The following ASPSCR1 variants were observed in gnomAD, a reference collection of about 807,000 sequenced individuals.
The protein encoded by ASPSCR1 is ASPSCR1 tether for SLC2A4, UBX domain containing.
In ASPSCR1, 55 loss-of-function variants were observed where a neutral mutation model predicts 68.9. The ratio of observed to expected loss-of-function variants is 0.80; its 90% CI spans 0.64 to 1.00. The LOEUF is 1.00. ASPSCR1 is among the 50% of genes least tolerant of loss of function. The pLI, the probability that ASPSCR1 is intolerant of heterozygous loss-of-function variation, is 0.00. For synonymous variants in ASPSCR1, 352 were observed against 332.6 expected (o/e 1.06, Z -0.63); for missense variants, 765 against 762.2 (o/e 1.00, Z -0.04).
In ASPSCR1 at chr17:81,977,876, C is replaced by T. The variant is rs912743944; in HGVS notation, c.102+128C>T. ...GGCGGCCAATGAGCGGCCTCCTGAG[C>T]GGCGGCCCCGCCCCCTGCTCGCCGT... On this transcript the variant is annotated intron_variant, in intron 1 of 15. Coordinates refer to ENST00000306739, the MANE Select transcript of ASPSCR1 (RefSeq NM_024083.4). This position sits in a 1 kb window ranked among gnomAD's most constrained non-coding sequence, Gnocchi z 5.0. The T allele has an allele frequency of 1.9e-5, 12 of 618,834 alleles. No homozygotes were observed. Among genetic ancestry groups the T allele is most frequent in the Non-Finnish European group, 2.7e-5 (12 of 445,318 alleles). 38.3% of individuals were successfully genotyped at this position (618,834 alleles called of 1,614,324 possible). A position where few individuals can be genotyped will look rare whatever the true frequency, so the allele number is the denominator to read the frequency against.
chr17:82,014,904 G>A (rs955495682), intron 12 of ASPSCR1: 1 of 810,186 alleles, frequency 1.2e-6, no homozygotes, highest in Non-Finnish European at 1.9e-6. Context: ...GTCAGGGCAG[G>A]GCGGGCACCC....
chr17:81,982,657 C>T (rs1218651857), intron 2 of ASPSCR1: 1 of 152,270 alleles, frequency 6.6e-6, no homozygotes, highest in Non-Finnish European at 1.5e-5. Context: ...TTGTCTCCGA[C>T]AGCAGCTTGC....
At chr17:82,015,608 G>C in intron 12 of ASPSCR1, 1 of 558,098 alleles carries the variant, frequency 1.8e-6, no homozygotes, top group Non-Finnish European at 3.2e-6. Context: ...ATGCAGATGG[G>C]GCTGGCCAGG....
At position 81,986,908 on chromosome 17, in the gene ASPSCR1, C is replaced by T. The variant is rs889419933; in HGVS notation, c.374+1301C>T. 6.6e-6 allele frequency among the ~76,000 whole-genome samples: 1 copy of T among 152,142 alleles called. No individual in the cohort carries two copies. ...GTCTCAGTGGTCATGGGGATGGAAG[C>T]CACCCCAGTGGCTGTCGGGGTGAAT... is the stretch of plus-strand genomic sequence containing the variant. On this transcript the variant is annotated intron_variant, in intron 4 of 15. Coordinates refer to ENST00000306739, the MANE Select transcript of ASPSCR1 (RefSeq NM_024083.4). This position sits in a 1 kb window ranked among gnomAD's most constrained non-coding sequence, Gnocchi z 5.2.
In ASPSCR1 at chr17:81,996,779, A is replaced by G. The variant is rs1022884515; in HGVS notation, c.866A>G (p.Gln289Arg). 1 of 1,611,834 alleles carries G rather than the reference A, an allele frequency of 6.2e-7. No homozygotes were observed. Among genetic ancestry groups the G allele is most frequent in the African/African-American group, 1.3e-5 (1 of 74,760 alleles). ...PSKPKKSKSG[Q>R]DPQQEQEQER... ...AAGCCAAAGAAGTCCAAGTCGGGCC[A>G]GGATCCCCAGCAGGAGCAGGAGCAG... Residue 289 changes from glutamine to arginine, a missense_variant, in exon 7 of 16, where the codon CAG becomes CGG. Coordinates refer to ENST00000306739, the MANE Select transcript of ASPSCR1 (RefSeq NM_024083.4).
At chr17:82,004,768 G>A (rs1285650782) in intron 7 of ASPSCR1, 1 of 152,322 alleles carries the variant, frequency 6.6e-6, no homozygotes, top group Admixed American at 6.5e-5. Context: ...TGCCCAGCAA[G>A]AGGGGCAGGG....
chr17:82,008,152 C>G (rs2042785501), intron 7 of ASPSCR1: 1 of 152,678 alleles, frequency 6.5e-6, no homozygotes, highest in African/African-American at 2.4e-5. Context: ...CAGGCGCACC[C>G]TGGCTGTCAC....
chr17:81,999,748 T>A lies in ASPSCR1; in HGVS notation c.933+2902T>A, dbSNP rs992826075. 6.6e-6 allele frequency among the ~76,000 whole-genome samples: 1 copy of A among 151,428 alleles called. No homozygotes were observed. Among genetic ancestry groups the A allele is most frequent in the Non-Finnish European group, 1.5e-5 (1 of 67,880 alleles). Reference sequence around the variant, plus strand: ...CCCGGAACTCAGGTGAGGTCAGGAGTTTGCTTCCTCCTCCTCTGGCCACTT... The same window carrying A: ...CCCGGAACTCAGGTGAGGTCAGGAGATTGCTTCCTCCTCCTCTGGCCACTT... On this transcript the variant is annotated intron_variant, in intron 7 of 15. Transcript: ENST00000306739. This position sits in a 1 kb window ranked among gnomAD's most constrained non-coding sequence, Gnocchi z 4.4.
Position 81,977,696 on chromosome 17 carries a change from C to T in ASPSCR1, c.50C>T (p.Pro17Leu). The change falls in exon 1 of 16, where the codon CCG becomes CTG. Residue 17 changes from proline (P) to leucine (L), a missense_variant. Coordinates refer to ENST00000306739, the MANE Select transcript of ASPSCR1 (RefSeq NM_024083.4). This position sits in a 1 kb window ranked among gnomAD's most constrained non-coding sequence, Gnocchi z 5.0. ...GGCTCCGCGGTGTCGGTGCTGGCCC[C>T]GAACGGCCGGCGCCACACGGTGAAG... ...GGGSAVSVLA[P>L]NGRRHTVKVT... 5 of 1,370,912 alleles carry T rather than the reference C, an allele frequency of 3.6e-6. No homozygotes were observed. Among genetic ancestry groups the T allele is most frequent in the Non-Finnish European group, 4.7e-6 (5 of 1,055,432 alleles). 84.9% of individuals were successfully genotyped at this position (1,370,912 alleles called of 1,614,324 possible).
rs147238722 is a variant in ASPSCR1 at position 81,990,812 on chromosome 17, C to T, written c.375-4009C>T. Among the ~76,000 whole-genome samples, 570 of 152,204 alleles carry T rather than the reference C, an allele frequency of 3.7e-3. 3 individuals carry two copies. The highest frequency in any genetic ancestry group is 0.013 in the African/African-American group (535 of 41,520). Reference sequence around the variant, plus strand: ...ACAGATTGTTATGCTAACGGGTTTCCTATGAGGAGTTTCTCTCCATGGGTT... The same window carrying T: ...ACAGATTGTTATGCTAACGGGTTTCTTATGAGGAGTTTCTCTCCATGGGTT... On this transcript the variant is annotated intron_variant, in intron 4 of 15. Transcript: ENST00000306739. This position sits in a 1 kb window ranked among gnomAD's most constrained non-coding sequence, Gnocchi z 4.1.
intron 9 of ASPSCR1, among the ~76,000 whole-genome samples, chr17:82,010,397 C>T (rs1044593782): frequency 1.3e-5 from 2 of 151,784 alleles, no homozygotes; most frequent in South Asian, 2.1e-4. Context: ...GGAGAGGTGG[C>T]GCACGCCTGT....
Position 82,009,244 on chromosome 17 carries a change from C to T in ASPSCR1, c.1088+53C>T, listed in dbSNP as rs538922056. Reference sequence around the variant, plus strand: ...ATCTTCGCGCCAGGGTTTGCCCCATCGGGTGCTTGTGCTGCCCGCTGTCCC... The same window carrying T: ...ATCTTCGCGCCAGGGTTTGCCCCATTGGGTGCTTGTGCTGCCCGCTGTCCC... On this transcript the variant is annotated intron_variant, in intron 8 of 15. Transcript: ENST00000306739. The T allele has an allele frequency of 3.9e-5, 59 of 1,530,794 alleles. No homozygotes were observed. In the Admixed American group the frequency reaches 5.4e-4, roughly 14 times the overall value. 94.8% of individuals were successfully genotyped at this position (1,530,794 alleles called of 1,614,324 possible).
intron 4 of ASPSCR1, among the ~76,000 whole-genome samples, chr17:81,985,813 G>A (rs1225513524): frequency 2.6e-5 from 4 of 152,190 alleles, no homozygotes; most frequent in Non-Finnish European, 5.9e-5. Context: ...ACAGCTCATC[G>A]TTCTGAGTTT....
intron 12 of ASPSCR1, chr17:82,016,123 C>T: frequency 3.4e-6 from 1 of 290,978 alleles, no homozygotes; most frequent in South Asian, 7.2e-5. Flanking sequence ...CACGGTGGTC[C>T]CGGCGCATCC....
At chr17:81,991,379 C>T (rs1372151892) in intron 4 of ASPSCR1, among the ~76,000 whole-genome samples, 3 of 152,184 alleles carry the variant, frequency 2.0e-5, no homozygotes, top group Non-Finnish European at 2.9e-5. Context: ...TAGGTAAAGC[C>T]GTGGCTCCGG....
At chr17:82,005,750 G>A (rs1479400972) in intron 7 of ASPSCR1, 1 of 152,324 alleles carries the variant, frequency 6.6e-6, no homozygotes, top group Non-Finnish European at 1.5e-5. Context: ...CAGAGAATTG[G>A]GGGCCAGACC....
At chr17:82,010,781 C>A in intron 9 of ASPSCR1, 21 bp from the exon 10 acceptor site, 1 of 1,611,784 alleles carries the variant, frequency 6.2e-7, no homozygotes, top group Non-Finnish European at 8.5e-7. Flanking sequence ...TCCCTCCAAC[C>A]CTTCCACTTG....
intron 12 of ASPSCR1, chr17:82,014,682 C>T (rs1266403635): frequency 4.1e-6 from 1 of 244,872 alleles, no homozygotes; most frequent in Non-Finnish European, 8.0e-6. Flanking sequence ...GTGCTGTTCT[C>T]GTTGGAGGGG....
At chr17:82,000,797 G>T (rs1162868510) in intron 7 of ASPSCR1, among the ~76,000 whole-genome samples, 2 of 152,206 alleles carry the variant, frequency 1.3e-5, no homozygotes, top group Non-Finnish European at 2.9e-5. Context: ...GCTGGGAGAG[G>T]CTGGGGCTGC....
Sources: allele counts gnomAD v4.1 joint callset (sites outside exome capture counted in the v4.1 genomes callset), GRCh38; gene constraint gnomAD v4.1.1; non-coding constraint Gnocchi (gnomAD v3.1); transcripts MANE v1.5; gene names NCBI Gene and HGNC (gene_info 2026-07-23, HGNC 2026-07-21).